AAMDC: variants seen among roughly 807,000 people sequenced by gnomAD.
AAMDC encodes the protein adipogenesis associated Mth938 domain containing.
A neutral mutation model predicts 15.5 loss-of-function variants in AAMDC; 16 were observed. That is an observed-to-expected ratio of 1.03 (90% CI 0.70 to 1.57). AAMDC has a LOEUF of 1.57. Ranked by LOEUF, AAMDC falls within the 40% of genes most tolerant of loss-of-function variation. The probability of loss-of-function intolerance (pLI) is 0.00; values close to 1 mark genes in which losing one functional copy is unlikely to be tolerated. For missense variants in AAMDC, 141 were observed against 144.9 expected, an observed-to-expected ratio of 0.97 and a Z score of 0.14; for synonymous variants, 51 against 51.6, an observed-to-expected ratio of 0.99 and a Z score of 0.05.
Position 77,833,008 on chromosome 11 carries a change from TA to T in AAMDC, c.-18-9470del, listed in dbSNP as rs543064108. 6.1e-3 allele frequency among the ~76,000 whole-genome samples: 579 copies of T among 94,256 alleles called. 83 individuals carry two copies. Among genetic ancestry groups the T allele is most frequent in the African/African-American group, 0.016 (344 of 21,080 alleles). 61.8% of individuals were successfully genotyped at this position (94,256 alleles called of 152,430 possible). A position where few individuals can be genotyped will look rare whatever the true frequency, so the allele number is the denominator to read the frequency against. ...GTGTGTGTGTGTGTGTATATATATATATTTTTTTTTTTTTTTTTTTTGAGAC... is the reference window on the plus strand; with the variant it reads ...GTGTGTGTGTGTGTGTATATATATATTTTTTTTTTTTTTTTTTTTTGAGAC... On this transcript the variant is annotated intron_variant, in intron 1 of 3. Coordinates refer to ENST00000393427, the MANE Select transcript of AAMDC (RefSeq NM_024684.4).
At chr11:77,872,932 C>G (rs1422623178), downstream of AAMDC, among the ~76,000 whole-genome samples, 3 of 152,152 alleles carry the variant, frequency 2.0e-5, no homozygotes, top group Admixed American at 6.5e-5. Flanking sequence ...GCCTGGGTGA[C>G]AGTGAGAGAC....
At chr11:77,868,495 A>C (rs895120916) in intron 2 of AAMDC, among the ~76,000 whole-genome samples, 1 of 150,818 alleles carries the variant, frequency 6.6e-6, no homozygotes, top group Non-Finnish European at 1.5e-5. Context: ...AATAGCTGGG[A>C]CTACAGGCAC....
In AAMDC at chr11:77,869,795, G is replaced by A. The variant is rs377312233; in HGVS notation, c.206G>A (p.Arg69Gln). The change falls in exon 3 of 4, where the codon CGA becomes CAA. Residue 69 changes from arginine (R) to glutamine (Q), a missense_variant. Coordinates refer to ENST00000393427, the MANE Select transcript of AAMDC (RefSeq NM_024684.4). ...EKGVQTLVIG[R>Q]GMSEALKVPS... ...GGTGTACAGACTCTTGTGATTGGCCGAGGGATGAGTGAGGCCTTGAAGGTA... is the reference window on the plus strand; with the variant it reads ...GGTGTACAGACTCTTGTGATTGGCCAAGGGATGAGTGAGGCCTTGAAGGTA... 7 of 1,613,900 alleles carry A rather than the reference G, an allele frequency of 4.3e-6. No individual in the cohort carries two copies. The highest frequency in any genetic ancestry group is 1.7e-5 in the Admixed American group (1 of 60,028).
At chr11:77,884,203 A>C (rs1951900806) in intron 5 of AAMDC, among the ~76,000 whole-genome samples, 1 of 152,170 alleles carries the variant, frequency 6.6e-6, no homozygotes, top group African/African-American at 2.4e-5. Context: ...TATTAAGCGC[A>C]AAGACAGGTA....
chr11:77,903,426 A>G (rs553438625), downstream of AAMDC: 4 of 1,608,310 alleles, frequency 2.5e-6, no homozygotes, highest in East Asian at 2.2e-5. Flanking sequence ...ACATGCCACA[A>G]CTTTTCCTGC....
downstream of AAMDC, chr11:77,877,081 G>A (rs1021277726): frequency 1.4e-6 from 1 of 701,982 alleles, no homozygotes; most frequent in African/African-American, 1.7e-5. Flanking sequence ...GCTCCCTGGA[G>A]TTAATCATTC....
chr11:77,860,367 T>C (rs1472028224), intron 2 of AAMDC, among the ~76,000 whole-genome samples: 1 of 152,182 alleles, frequency 6.6e-6, no homozygotes, highest in Non-Finnish European at 1.5e-5. Context: ...TGCTTTAGGG[T>C]TTGGGATGAG....
At chr11:77,842,713 C>G in intron 2 of AAMDC, 85 bp downstream of exon 2, 1 of 1,541,906 alleles carries the variant, frequency 6.5e-7, no homozygotes, top group Non-Finnish European at 8.8e-7. Context: ...AAGTGAAAAA[C>G]TATTTCTCTT....
chr11:77,873,381 G>A (rs191572984), downstream of AAMDC, among the ~76,000 whole-genome samples: 22 of 152,288 alleles, frequency 1.4e-4, no homozygotes, highest in Admixed American at 1.2e-3. Flanking sequence ...TCTATTAATG[G>A]GGATACTGTG....
chr11:77,902,774 C>T (rs1316376085), downstream of AAMDC, among the ~76,000 whole-genome samples: 2 of 152,286 alleles, frequency 1.3e-5, no homozygotes, highest in East Asian at 3.9e-4. Context: ...AGTCTCAATA[C>T]TCAGGTGCAA....
intron 1 of AAMDC, among the ~76,000 whole-genome samples, chr11:77,825,708 T>C (rs1370897759): frequency 6.6e-6 from 1 of 151,902 alleles, no homozygotes; most frequent in Non-Finnish European, 1.5e-5. Context: ...GTTTTTTTTT[T>C]TTTGAGTCAG....
chr11:77,892,140 T>A (rs547890688), intron 5 of AAMDC, among the ~76,000 whole-genome samples: 6 of 152,310 alleles, frequency 3.9e-5, no homozygotes, highest in African/African-American at 1.2e-4. Context: ...GTATTATAGA[T>A]TCATTAATTA....
chr11:77,896,703 G>T (rs1010145458), intron 5 of AAMDC, among the ~76,000 whole-genome samples: 1 of 127,348 alleles, frequency 7.9e-6, no homozygotes, highest in Non-Finnish European at 1.8e-5. Context: ...GAAAAACAAA[G>T]AAATTGAAAT....
At chr11:77,888,946 G>A (rs1005435165) in intron 5 of AAMDC, among the ~76,000 whole-genome samples, 1 of 152,198 alleles carries the variant, frequency 6.6e-6, no homozygotes, top group African/African-American at 2.4e-5. Flanking sequence ...AGAGGATGTG[G>A]AGAAATAGGA....
At chr11:77,857,702 T>A (rs536220964) in intron 2 of AAMDC, among the ~76,000 whole-genome samples, 4 of 151,294 alleles carry the variant, frequency 2.6e-5, no homozygotes, top group Admixed American at 2.0e-4. Flanking sequence ...CTAAGTTGTT[T>A]TTTTTTTTTT....
chr11:77,897,461 T>C (rs1952575491), intron 5 of AAMDC, among the ~76,000 whole-genome samples: 1 of 151,760 alleles, frequency 6.6e-6, no homozygotes, highest in Middle Eastern at 3.4e-3. Flanking sequence ...AGCTACATTA[T>C]AAAAACATAA....
At chr11:77,881,819 G>A (rs1590994907) in intron 5 of AAMDC, among the ~76,000 whole-genome samples, 2 of 151,968 alleles carry the variant, frequency 1.3e-5, no homozygotes, top group South Asian at 4.1e-4. Context: ...AAACCAGTAC[G>A]CACTATATAT....
chr11:77,891,411 G>T (rs745900673), intron 5 of AAMDC: 3 of 1,613,480 alleles, frequency 1.9e-6, no homozygotes, highest in Admixed American at 1.7e-5. Flanking sequence ...AACCGCAAAG[G>T]GTTGTCTGAC....
chr11:77,823,376 T>C (rs985604624), intron 1 of AAMDC, among the ~76,000 whole-genome samples: 3 of 152,034 alleles, frequency 2.0e-5, no homozygotes, highest in African/African-American at 7.2e-5. Flanking sequence ...AACATTTTTA[T>C]AGAATTCCCA....
Sources: gnomAD v4.1 joint callset for allele counts (sites outside exome capture counted in the v4.1 genomes callset) on GRCh38, gnomAD v4.1.1 for gene constraint, MANE v1.5 for transcripts, NCBI Gene and HGNC (gene_info 2026-07-23, HGNC 2026-07-21) for gene names.